MBD5: variants seen among roughly 807,000 people sequenced by gnomAD.
MBD5 encodes the protein methyl-CpG-binding domain protein 5.
MBD5 carries 13 observed loss-of-function variants against 117.3 expected under a neutral mutation model. The observed-to-expected ratio is 0.11, with a 90% CI of 0.07 to 0.18. The LOEUF (loss-of-function observed/expected upper bound fraction) is 0.18. MBD5 is among the 10% of genes least tolerant of loss of function. The probability of loss-of-function intolerance (pLI) is 1.00; values close to 1 mark genes in which losing one functional copy is unlikely to be tolerated. For synonymous variants in MBD5, 727 were observed against 766.4 expected, an observed-to-expected ratio of 0.95 and a Z score of 0.85; for missense variants, 1,879 against 2,093.8, an observed-to-expected ratio of 0.90 and a Z score of 2.00.
intron 3 of MBD5, among the ~76,000 whole-genome samples, chr2:148,274,937 G>A (rs932619926): frequency 8.6e-5 from 13 of 151,998 alleles, no homozygotes; most frequent in African/African-American, 3.1e-4. Context: ...TAGCCAGACT[G>A]GTCTCGAACT....
intron 3 of MBD5, among the ~76,000 whole-genome samples, chr2:148,331,530 T>A (rs1702656234): frequency 6.6e-6 from 1 of 152,206 alleles, no homozygotes; most frequent in African/African-American, 2.4e-5. Flanking sequence ...ATATTGAGTA[T>A]TTCCCATTTT....
chr2:148,388,203 C>T (rs985461848), intron 4 of MBD5, among the ~76,000 whole-genome samples: 10 of 151,884 alleles, frequency 6.6e-5, no homozygotes, highest in African/African-American at 2.4e-4. Context: ...AAAGGAATGG[C>T]GAATATAAAA....
rs747127657 is a variant in MBD5 at position 148,470,116 on chromosome 2, G to C, written c.2173G>C (p.Ala725Pro). Reference sequence around the variant, plus strand: ...TAGCAATAGTACCCCGGGTTGTGGGGCCTCAAATACTGCTTTGCCTTGCTC... The same window carrying C: ...TAGCAATAGTACCCCGGGTTGTGGGCCCTCAAATACTGCTTTGCCTTGCTC... ...LSSNSTPGCG[A>P]SNTALPCSAN... The change falls in exon 8 of 14, where the codon GCC becomes CCC. Residue 725 changes from alanine to proline, a missense_variant. Ala to Pro is a conservative substitution (Grantham distance 27, BLOSUM62 -1). Coordinates refer to ENST00000642680, the MANE Select transcript of MBD5 (RefSeq NM_001378120.1). The C allele has an allele frequency of 6.2e-7, 1 of 1,613,820 alleles. No homozygotes were observed. The highest frequency in any genetic ancestry group is 8.5e-7 in the Non-Finnish European group (1 of 1,179,884).
intron 1 of MBD5, among the ~76,000 whole-genome samples, chr2:148,086,601 A>G (rs889313947): frequency 6.6e-6 from 1 of 152,164 alleles, no homozygotes; most frequent in African/African-American, 2.4e-5. Flanking sequence ...ATAATTTCTG[A>G]GACTCACTTA....
intron 1 of MBD5, among the ~76,000 whole-genome samples, chr2:148,100,230 T>C (rs918252721): frequency 6.6e-6 from 1 of 152,140 alleles, no homozygotes; most frequent in Non-Finnish European, 1.5e-5. Context: ...TGGAGGAGAA[T>C]GTTCTTGAAG....
chr2:148,484,129 C>G lies in MBD5; in HGVS notation c.3538C>G (p.Leu1180Val). 7.0e-7 allele frequency: 1 copy of G among 1,438,740 alleles called. No individual in the cohort carries two copies. Among genetic ancestry groups the G allele is most frequent in the African/African-American group, 1.4e-5 (1 of 69,090 alleles). 89.1% of individuals were successfully genotyped at this position (1,438,740 alleles called of 1,614,324 possible). Residue 1180 changes from leucine (L) to valine (V), a missense_variant, in exon 9 of 14, where the codon CTA becomes GTA. Transcript: ENST00000642680. Reference protein sequence around the residue: ...QLLNPLLGTGLLGDMSSINNT... With the variant: ...QLLNPLLGTGVLGDMSSINNT... ...ACTTAACCCTCTACTGGGGACAGGT[C>G]TACTTGGTAAGTTAAATTTTTTCAC... is the stretch of plus-strand genomic sequence containing the variant.
At chr2:148,390,749 G>A (rs1704549352) in intron 4 of MBD5, among the ~76,000 whole-genome samples, 1 of 151,818 alleles carries the variant, frequency 6.6e-6, no homozygotes, top group African/African-American at 2.4e-5. Flanking sequence ...AATTTTTGTA[G>A]AGATGGAGTT....
At position 148,512,936 on chromosome 2, in the gene MBD5, A is replaced by G. The variant is rs1243468520; in HGVS notation, c.5179A>G (p.Arg1727Gly). Residue 1727 changes from arginine (R) to glycine (G), a missense_variant, in exon 14 of 14, where the codon AGA becomes GGA. Arg to Gly is a moderately radical substitution (Grantham distance 125). This residue lies in a region of MBD5 where 135 missense variants were observed against 148.0 expected (regional missense o/e 0.91). Coordinates refer to ENST00000642680, the MANE Select transcript of MBD5 (RefSeq NM_001378120.1). ...PPKPKRRKIS[R>G] ...CAAACCCAAGAGGAGGAAGATCTCC[A>G]GATAACAGAGACTACTCCACTAATG... is the stretch of plus-strand genomic sequence containing the variant. 23 of 1,613,346 alleles carry G rather than the reference A, an allele frequency of 1.4e-5. No homozygotes were observed. Among genetic ancestry groups the G allele is most frequent in the Non-Finnish European group, 2.0e-5 (23 of 1,179,386 alleles).
chr2:148,161,230 T>C (rs1698000209), intron 1 of MBD5, among the ~76,000 whole-genome samples: 1 of 152,204 alleles, frequency 6.6e-6, no homozygotes, highest in Non-Finnish European at 1.5e-5. Flanking sequence ...CCATCCAGTC[T>C]GTTTTAGCCA....
chr2:148,252,402 A>C (rs1700488548), intron 3 of MBD5, among the ~76,000 whole-genome samples: 1 of 152,164 alleles, frequency 6.6e-6, no homozygotes, highest in African/African-American at 2.4e-5. Context: ...TTAAGGTTGC[A>C]GCGAACCCAG....
intron 3 of MBD5, among the ~76,000 whole-genome samples, chr2:148,335,860 C>T (rs567700525): frequency 2.5e-4 from 38 of 152,208 alleles, no homozygotes; most frequent in African/African-American, 9.2e-4. Context: ...TTTTTGACTT[C>T]TATATTTTAT....
At chr2:148,406,941 C>T (rs1705097419) in intron 4 of MBD5, among the ~76,000 whole-genome samples, 2 of 152,284 alleles carry the variant, frequency 1.3e-5, no homozygotes, top group South Asian at 4.1e-4. Context: ...ACCCTTATTT[C>T]TTTCATAACA....
chr2:148,381,004 A>T (rs1704125439), intron 4 of MBD5, among the ~76,000 whole-genome samples: 1 of 152,116 alleles, frequency 6.6e-6, no homozygotes, highest in Admixed American at 6.5e-5. Context: ...GGTAGATAAA[A>T]CCACAAAGAT....
chr2:148,438,534 G>A (rs1706221409), intron 4 of MBD5, among the ~76,000 whole-genome samples: 1 of 152,200 alleles, frequency 6.6e-6, no homozygotes, highest in Non-Finnish European at 1.5e-5. Flanking sequence ...AATACAGTAA[G>A]AAGGAAGGAT....
At chr2:148,268,321 A>AT (rs1161433114) in intron 3 of MBD5, among the ~76,000 whole-genome samples, 1 of 151,770 alleles carries the variant, frequency 6.6e-6, no homozygotes, top group Non-Finnish European at 1.5e-5. Context: ...ATCTCACGCA[A>AT]TCCCCCCACC....
At chr2:148,099,857 T>C (rs932702385) in intron 1 of MBD5, among the ~76,000 whole-genome samples, 3 of 152,152 alleles carry the variant, frequency 2.0e-5, no homozygotes, top group African/African-American at 4.8e-5. Context: ...TTCAGCAGGG[T>C]ATAGGTGGAA....
At chr2:148,210,117 C>T (rs1049838413) in intron 2 of MBD5, among the ~76,000 whole-genome samples, 20 of 152,100 alleles carry the variant, frequency 1.3e-4, no homozygotes, top group Non-Finnish European at 2.5e-4. Flanking sequence ...TTTTTGATCA[C>T]AGTATGTTAC....
intron 4 of MBD5, among the ~76,000 whole-genome samples, chr2:148,384,790 C>T (rs910096598): frequency 1.3e-5 from 2 of 151,878 alleles, no homozygotes; most frequent in African/African-American, 4.8e-5. Context: ...CAGAACAGAG[C>T]CCTCAGAAGT....
intron 4 of MBD5, among the ~76,000 whole-genome samples, chr2:148,391,699 T>A (rs1704576200): frequency 6.6e-6 from 1 of 152,178 alleles, no homozygotes; most frequent in Non-Finnish European, 1.5e-5. Context: ...GTTTTTACAA[T>A]AGGCACATTT....
Sources: gnomAD v4.1 joint callset for allele counts (sites outside exome capture counted in the v4.1 genomes callset) on GRCh38, gnomAD v4.1.1 for gene constraint, gnomAD v4.1.1 regional missense constraint, MANE v1.5 for transcripts, NCBI Gene and HGNC (gene_info 2026-07-23, HGNC 2026-07-21) for gene names.